Variants in PRIM2 observed in about 807,000 individuals in gnomAD.
PRIM2 encodes the protein DNA primase large subunit.
In PRIM2, 39 loss-of-function variants were observed where a neutral mutation model predicts 67.3. The ratio of observed to expected loss-of-function variants is 0.58; its 90% confidence interval spans 0.45 to 0.76. The LOEUF (loss-of-function observed/expected upper bound fraction) is 0.76. PRIM2 is among the 30% of genes least tolerant of loss of function. The pLI, the probability that PRIM2 is intolerant of heterozygous loss-of-function variation, is 0.00. For synonymous variants in PRIM2, 143 were observed against 198.7 expected, an observed-to-expected ratio of 0.72 and a Z score of 2.36; for missense variants, 398 against 598.7, an observed-to-expected ratio of 0.66 and a Z score of 3.50.
At chr6:57,313,469 G>T (rs974616797), upstream of PRIM2, among the ~76,000 whole-genome samples, 1 of 152,176 alleles carries the variant, frequency 6.6e-6, no homozygotes, top group African/African-American at 2.4e-5. Context: ...AAATAATGCT[G>T]ATATATGGAA....
chr6:57,298,810 G>C, the PRIM2 span, among the ~76,000 whole-genome samples: 1 of 152,028 alleles, frequency 6.6e-6, no homozygotes, highest in South Asian at 2.1e-4. Flanking sequence ...AGTTATAGGA[G>C]AAAACCAAAC....
intron 5 of PRIM2, among the ~76,000 whole-genome samples, chr6:57,378,765 A>G (rs1214795040): frequency 6.6e-6 from 1 of 152,086 alleles, no homozygotes; most frequent in Non-Finnish European, 1.5e-5. Flanking sequence ...CTGACTTTGT[A>G]TATTAACTTT....
chr6:57,512,304 AT>A (rs1774387966), intron 8 of PRIM2, among the ~76,000 whole-genome samples: 1 of 152,084 alleles, frequency 6.6e-6, no homozygotes, highest in Non-Finnish European at 1.5e-5. Context: ...AAAGTGTTTT[AT>A]TTTTTCCTTA....
At chr6:57,579,769 C>G in intron 10 of PRIM2, among the ~76,000 whole-genome samples, 1 of 151,874 alleles carries the variant, frequency 6.6e-6, no homozygotes, top group East Asian at 1.9e-4. Flanking sequence ...GTTGTCCTGA[C>G]ACAGAAAGAC....
At chr6:57,415,609 C>T (rs1292109100) in intron 7 of PRIM2, among the ~76,000 whole-genome samples, 46 of 152,220 alleles carry the variant, frequency 3.0e-4, no homozygotes, top group African/African-American at 5.8e-4. Context: ...GTGTCTGTGG[C>T]AATATCTTAA....
At chr6:57,404,838 T>C (rs1244393636) in intron 7 of PRIM2, among the ~76,000 whole-genome samples, 2 of 142,876 alleles carry the variant, frequency 1.4e-5, no homozygotes, top group Middle Eastern at 3.4e-3. Flanking sequence ...GTGGTCACCT[T>C]TGTGGATTTT....
chr6:57,247,758 A>G, the PRIM2 span, among the ~76,000 whole-genome samples: 1 of 152,122 alleles, frequency 6.6e-6, no homozygotes, highest in Non-Finnish European at 1.5e-5. Context: ...TGGCCTAGAA[A>G]CCTTTGGCAA....
intron 7 of PRIM2, among the ~76,000 whole-genome samples, chr6:57,393,636 C>G (rs1770431744): frequency 6.6e-6 from 1 of 152,066 alleles, no homozygotes; most frequent in African/African-American, 2.4e-5. Flanking sequence ...CTGGCTGTTC[C>G]TTTTGCCATG....
intron 10 of PRIM2, among the ~76,000 whole-genome samples, chr6:57,576,980 G>T (rs2127483462): frequency 6.6e-6 from 1 of 151,866 alleles, no homozygotes; most frequent in East Asian, 1.9e-4. Context: ...AAGACTTGCT[G>T]GATGTCATAG....
intron 10 of PRIM2, among the ~76,000 whole-genome samples, chr6:57,583,117 T>C (rs1418128631): frequency 1.3e-5 from 2 of 151,324 alleles, no homozygotes; most frequent in Middle Eastern, 3.4e-3. Context: ...GGACATGAAC[T>C]CATCATTTTT....
the PRIM2 span, among the ~76,000 whole-genome samples, chr6:57,249,420 T>A: frequency 6.6e-6 from 1 of 151,942 alleles, no homozygotes; most frequent in Admixed American, 6.6e-5. Flanking sequence ...CCAAGAGGGG[T>A]TATAGGTTAT....
At chr6:57,273,079 T>C in the PRIM2 span, among the ~76,000 whole-genome samples, 1 of 152,182 alleles carries the variant, frequency 6.6e-6, no homozygotes, top group Non-Finnish European at 1.5e-5. Context: ...TCATTTCAAC[T>C]TTGGTGAATC....
At chr6:57,275,486 T>C in the PRIM2 span, among the ~76,000 whole-genome samples, 43 of 151,638 alleles carry the variant, frequency 2.8e-4, no homozygotes, top group Non-Finnish European at 1.5e-4. Flanking sequence ...GAGACTCTGT[T>C]TCAAAAAAAC....
At chr6:57,341,872 A>G (rs1401533243) in intron 5 of PRIM2, among the ~76,000 whole-genome samples, 1 of 152,190 alleles carries the variant, frequency 6.6e-6, no homozygotes, top group Non-Finnish European at 1.5e-5. Flanking sequence ...TTGTCACAGA[A>G]GCTGGATTGT....
intron 10 of PRIM2, among the ~76,000 whole-genome samples, chr6:57,543,130 G>A (rs1336499501): frequency 3.1e-4 from 46 of 149,152 alleles, no homozygotes; most frequent in Non-Finnish European, 4.7e-4. Flanking sequence ...TAGTAGAGAC[G>A]GGGTTTCACC....
At chr6:57,245,455 T>C in the PRIM2 span, among the ~76,000 whole-genome samples, 55 of 152,302 alleles carry the variant, frequency 3.6e-4, no homozygotes, top group Non-Finnish European at 1.6e-4. Flanking sequence ...ACTCGCAAGG[T>C]AGCCTTTGTG....
chr6:57,632,007 T>C, intron 12 of PRIM2, 126 bp from the exon 13 acceptor site: 2 of 548,478 alleles, frequency 3.6e-6, no homozygotes, highest in East Asian at 6.0e-5. Context: ...TACAACATGC[T>C]ACATGATTTA....
At chr6:57,251,422 G>A in the PRIM2 span, among the ~76,000 whole-genome samples, 1 of 152,174 alleles carries the variant, frequency 6.6e-6, no homozygotes, top group Admixed American at 6.5e-5. Context: ...GATGTTCTCT[G>A]CCTGTGCAGT....
chr6:57,568,154 T>G, intron 10 of PRIM2, among the ~76,000 whole-genome samples: 1 of 152,162 alleles, frequency 6.6e-6, no homozygotes. Flanking sequence ...ATTTAAAAAT[T>G]TGCCCAGTAT....
Sources: gnomAD v4.1 joint callset for allele counts (sites outside exome capture counted in the v4.1 genomes callset) on GRCh38, gnomAD v4.1.1 for gene constraint, MANE v1.5 for transcripts, NCBI Gene and HGNC (gene_info 2026-07-23, HGNC 2026-07-21) for gene names.